The following PREX2 variants were observed in gnomAD, a reference collection of about 807,000 sequenced individuals.
PREX2 encodes the protein phosphatidylinositol-3,4,5-trisphosphate dependent Rac exchange factor 2, also known as phosphatidylinositol 3,4,5-trisphosphate-dependent Rac exchanger 2 protein.
Under a neutral mutation model 203.2 loss-of-function variants are expected in PREX2, and 107 were observed. The ratio of observed to expected loss-of-function variants is 0.53; its 90% CI spans 0.45 to 0.62. The LOEUF is 0.62. Among genes scored for constraint, PREX2 ranks in the 20% least tolerant of loss-of-function variants. The pLI is 0.00. For synonymous variants in PREX2, 672 were observed against 663.6 expected, an observed-to-expected ratio of 1.01 and a Z score of -0.19; for missense variants, 1,777 against 1,955.9, an observed-to-expected ratio of 0.91 and a Z score of 1.72.
At chr8:67,976,448 CAG>C (rs10581119) in intron 1 of PREX2, among the ~76,000 whole-genome samples, 28,864 of 94,318 alleles carry the variant, frequency 0.31, 4,215 homozygotes, top group East Asian at 0.52. Context: ...GGGAGAGAGA[CAG>C]AGAGAGAGAG....
rs533436022 is a variant in PREX2 at position 68,196,478 on chromosome 8, CAT to C, written c.4604+3964_4604+3965del. Among the ~76,000 whole-genome samples the C allele has an allele frequency of 3.3e-3, 483 of 145,060 alleles. 3 individuals carry two copies. The highest frequency in any genetic ancestry group is 5.0e-3 in the Non-Finnish European group (333 of 66,474). On this transcript the variant is annotated intron_variant, in intron 37 of 39. Transcript: ENST00000288368. ...AAAATGGAGACACTATATATATGTACATATATATATATGTACATATATATAGT... is the reference window on the plus strand; with the variant it reads ...AAAATGGAGACACTATATATATGTACATATATATATGTACATATATATAGT...
intron 21 of PREX2, among the ~76,000 whole-genome samples, chr8:68,095,445 T>C (rs1166778327): frequency 6.6e-6 from 1 of 152,004 alleles, no homozygotes; most frequent in Non-Finnish European, 1.5e-5. Flanking sequence ...TCCTGTCACC[T>C]CTATCACTCA....
At chr8:68,030,680 A>G (rs771705513) in intron 6 of PREX2, 22 bp downstream of exon 6, 13 of 1,612,144 alleles carry the variant, frequency 8.1e-6, no homozygotes, top group South Asian at 1.1e-5. Context: ...TTGCTTGACA[A>G]TCGAGCTTAA....
In PREX2 at chr8:68,057,039, A is replaced by T. The variant is rs139366434; in HGVS notation, c.1238+1065A>T. On this transcript the variant is annotated intron_variant, in intron 10 of 39. Transcript: ENST00000288368. ...TTGGCTGTGTCCCCACCCAAATCTC[A>T]TCTTGAGTTATAATCCAAATTGTAA... Among the ~76,000 whole-genome samples the T allele has an allele frequency of 7.7e-3, 1,178 of 152,228 alleles. 12 individuals are homozygous for T. Among genetic ancestry groups the T allele is most frequent in the Non-Finnish European group, 0.011 (758 of 68,020 alleles).
intron 1 of PREX2, among the ~76,000 whole-genome samples, chr8:68,016,767 C>T (rs1807419763): frequency 6.6e-6 from 1 of 152,028 alleles, no homozygotes; most frequent in South Asian, 2.1e-4. Flanking sequence ...CAGGTGTGTG[C>T]CACCACGCCC....
At chr8:68,032,722 C>G (rs1807920628) in intron 6 of PREX2, among the ~76,000 whole-genome samples, 1 of 152,170 alleles carries the variant, frequency 6.6e-6, no homozygotes, top group East Asian at 1.9e-4. Flanking sequence ...CTGTCTTTGA[C>G]TTGCTGATGG....
At chr8:67,965,533 A>G (rs1805745835) in intron 1 of PREX2, among the ~76,000 whole-genome samples, 1 of 151,798 alleles carries the variant, frequency 6.6e-6, no homozygotes. Context: ...ATATATGTGT[A>G]TATGTATATA....
rs1809645212 is a variant in PREX2, at chr8:68,085,220, A to G, written c.2027+1832A>G. 2.0e-5 allele frequency among the ~76,000 whole-genome samples: 3 copies of G among 152,244 alleles called. No homozygotes were observed. The South Asian group carries it at 6.2e-4, about 31-fold the overall frequency. Reference sequence around the variant, plus strand: ...GAACTTAGTGAAGTATCCAGTACATAGTAAGTACCCAGTGATGTTATATAT... The same window carrying G: ...GAACTTAGTGAAGTATCCAGTACATGGTAAGTACCCAGTGATGTTATATAT... On this transcript the variant is annotated intron_variant, in intron 18 of 39. Transcript: ENST00000288368.
rs752310428 is a variant in PREX2, at chr8:68,217,680, C to T, written c.4669C>T (p.Arg1557Cys). Residue 1557 changes from arginine (R) to cysteine (C), a missense_variant, in exon 38 of 40, where the codon CGT becomes TGT. By Grantham distance (180) the Arg-to-Cys change is radical (BLOSUM62 -3). Coordinates refer to ENST00000288368, the MANE Select transcript of PREX2 (RefSeq NM_024870.4). ...ILARSHGLPP[R>C]YIMQATDVMR... ...GGCCAGAAGCCACGGACTGCCACCT[C>T]GTTACATCATGCAGGCTACAGATGT... 1.1e-5 allele frequency: 18 copies of T among 1,613,978 alleles called. No homozygotes were observed. The highest frequency in any genetic ancestry group is 6.7e-5 in the Admixed American group (4 of 60,010).
intron 9 of PREX2, among the ~76,000 whole-genome samples, chr8:68,053,768 A>C (rs1262723689): frequency 6.6e-6 from 1 of 152,200 alleles, no homozygotes; most frequent in Non-Finnish European, 1.5e-5. Context: ...ACAAACTTTT[A>C]AAAATTGTTA....
chr8:67,976,550 CAGAG>C (rs746647592), intron 1 of PREX2, among the ~76,000 whole-genome samples: 8 of 54,330 alleles, frequency 1.5e-4, no homozygotes, highest in Admixed American at 2.6e-4. Flanking sequence ...GGGAGAGAGA[CAGAG>C]AGAGAGAGAC....
intron 15 of PREX2, among the ~76,000 whole-genome samples, chr8:68,078,806 A>G (rs997310028): frequency 6.0e-5 from 2 of 33,084 alleles, no homozygotes; most frequent in African/African-American, 2.2e-4. Flanking sequence ...TAAAGCACCA[A>G]CACAGTAATT....
At chr8:68,076,571 G>A (rs932154053) in intron 14 of PREX2, among the ~76,000 whole-genome samples, 1 of 152,068 alleles carries the variant, frequency 6.6e-6, no homozygotes, top group African/African-American at 2.4e-5. Flanking sequence ...ATAGAAGCCA[G>A]AGAGGAGAGA....
intron 30 of PREX2, among the ~76,000 whole-genome samples, chr8:68,126,759 A>G (rs1489296087): frequency 2.0e-5 from 3 of 152,052 alleles, no homozygotes; most frequent in South Asian, 2.1e-4. Flanking sequence ...AACTCATTGG[A>G]CACCTAGCAA....
At chr8:68,202,977 T>G (rs1428857669) in intron 37 of PREX2, among the ~76,000 whole-genome samples, 1 of 152,170 alleles carries the variant, frequency 6.6e-6, no homozygotes, top group African/African-American at 2.4e-5. Context: ...TCTTCCTTTT[T>G]GTTCCACGTG....
intron 25 of PREX2, chr8:68,110,908 T>C (rs192298163): frequency 2.3e-6 from 1 of 435,908 alleles, no homozygotes; most frequent in Non-Finnish European, 4.6e-6. Flanking sequence ...TTGTATATTA[T>C]ACTGTGACTT....
intron 37 of PREX2, among the ~76,000 whole-genome samples, chr8:68,198,237 T>C (rs548901664): frequency 5.4e-4 from 82 of 152,350 alleles, no homozygotes; most frequent in Admixed American, 4.9e-3. Context: ...ATATTTCCTT[T>C]GTTCTTTAAT....
intron 17 of PREX2, chr8:68,082,974 C>A: frequency 3.3e-6 from 1 of 301,784 alleles, no homozygotes; most frequent in Non-Finnish European, 6.1e-6. Context: ...TAAAATATAA[C>A]AGAAGAGGGG....
At chr8:67,979,478 T>A (rs2129609139) in intron 1 of PREX2, among the ~76,000 whole-genome samples, 1 of 152,320 alleles carries the variant, frequency 6.6e-6, no homozygotes, top group Middle Eastern at 3.4e-3. Context: ...CCCAGCACAC[T>A]TACTTAAATG....
Sources: allele counts gnomAD v4.1 joint callset (sites outside exome capture counted in the v4.1 genomes callset), GRCh38; gene constraint gnomAD v4.1.1; transcripts MANE v1.5; gene names NCBI Gene and HGNC (gene_info 2026-07-23, HGNC 2026-07-21).